The following ADGRE5 variants were observed in gnomAD, a reference collection of about 807,000 sequenced individuals.
ADGRE5 encodes CD97 molecule.
ADGRE5 carries 72 observed loss-of-function variants against 100.3 expected under a neutral mutation model. That is an observed-to-expected ratio of 0.72 (90% CI 0.59 to 0.87). The LOEUF (loss-of-function observed/expected upper bound fraction) is 0.87, where lower values mean the gene tolerates loss of function less well. Ranked by LOEUF, ADGRE5 falls within the 40% of genes least tolerant of loss-of-function variation. The probability of loss-of-function intolerance (pLI) is 0.00; values close to 1 mark genes in which losing one functional copy is unlikely to be tolerated. For missense variants in ADGRE5, 959 were observed against 1,094.7 expected, an observed-to-expected ratio of 0.88 and a Z score of 1.75; for synonymous variants, 439 against 447.8, an observed-to-expected ratio of 0.98 and a Z score of 0.25.
chr19:14,385,644 C>A (rs1183254271), intron 1 of ADGRE5, among the ~76,000 whole-genome samples: 1 of 152,114 alleles, frequency 6.6e-6, no homozygotes, highest in Non-Finnish European at 1.5e-5. Flanking sequence ...TGAAATATCA[C>A]CACTGGGTTC....
Position 14,407,133 on chromosome 19 carries a change from C to T in ADGRE5, c.2280C>T (p.Phe760=), listed in dbSNP as rs373515389. 22 of 1,614,146 alleles carry T rather than the reference C, an allele frequency of 1.4e-5. No homozygotes were observed. The highest frequency in any genetic ancestry group is 3.3e-5 in the Admixed American group (2 of 60,020). ...GCTWVFGLFI[F]DDRSLVLTYV... ...CCTGGGTCTTTGGCCTGTTCATCTT[C>T]GACGATCGGAGCTTGGTGCTGACCT... is the stretch of plus-strand genomic sequence containing the variant. Residue 760 remains phenylalanine (F), a synonymous_variant, in exon 18 of 20, where the codon TTC becomes TTT. Coordinates refer to ENST00000242786, the MANE Select transcript of ADGRE5 (RefSeq NM_078481.4).
In ADGRE5 at chr19:14,406,419, TCTA is replaced by T; in HGVS notation, c.1913_1915del (p.Tyr638del). 1 of 1,591,232 alleles carries T rather than the reference TCTA, an allele frequency of 6.3e-7. No individual in the cohort carries two copies. Among genetic ancestry groups the T allele is most frequent in the Non-Finnish European group, 8.6e-7 (1 of 1,169,336 alleles). On this transcript the variant is annotated inframe_deletion, in exon 15 of 20. Transcript: ENST00000242786. The surrounding 1 kb of genome is among the most constrained non-coding windows in gnomAD (Gnocchi z 6.0). ...TGGATGAGCCTCGAAGGCCTGGAGC[TCTA>T]CTTTCTTGTGGTGCGCGTGTTCCAA...
chr19:14,407,481 C>T (rs1483048575), intron 18 of ADGRE5, among the ~76,000 whole-genome samples: 2 of 152,076 alleles, frequency 1.3e-5, no homozygotes, highest in East Asian at 3.9e-4. Context: ...GAAACCCTGT[C>T]TCTACTAAAA....
At chr19:14,392,728 C>T (rs1975643848) in intron 4 of ADGRE5, among the ~76,000 whole-genome samples, 2 of 151,766 alleles carry the variant, frequency 1.3e-5, no homozygotes, top group African/African-American at 4.8e-5. Flanking sequence ...CATGGCGAAA[C>T]CCTGTGTCTA....
intron 18 of ADGRE5, among the ~76,000 whole-genome samples, chr19:14,407,643 A>C (rs1439299321): frequency 6.6e-6 from 1 of 151,822 alleles, no homozygotes; most frequent in Non-Finnish European, 1.5e-5. Flanking sequence ...GTCTCCAAAA[A>C]AAAAAAAAAA....
At chr19:14,391,582 A>T (rs1357413063) in intron 4 of ADGRE5, 1 of 155,576 alleles carries the variant, frequency 6.4e-6, no homozygotes, top group Admixed American at 6.3e-5. Context: ...AAAAAAAAAA[A>T]ATTAATTAGC....
At chr19:14,402,430 G>A (rs1262670154) in intron 11 of ADGRE5, among the ~76,000 whole-genome samples, 167 bp from the exon 12 acceptor site, 6 of 150,042 alleles carry the variant, frequency 4.0e-5, no homozygotes, top group Admixed American at 1.3e-4. Flanking sequence ...GCGAAACTCC[G>A]TCTCAAAAAA....
At position 14,381,533 on chromosome 19, in the gene ADGRE5, C is replaced by G. The variant is rs746554560; in HGVS notation, c.10C>G (p.Arg4Gly). Residue 4 changes from arginine (R) to glycine (G), a missense_variant, in exon 1 of 20, where the codon CGC (arginine) becomes GGC (glycine). Arg to Gly is a moderately radical substitution (Grantham distance 125). Coordinates refer to ENST00000242786, the MANE Select transcript of ADGRE5 (RefSeq NM_078481.4). MGG[R>G]VFLAFCVWLT... ...GCCGGCAGCTCCAACCATGGGAGGCCGCGTCTTTCTCGGTAAGTACTTTGG... is the reference window on the plus strand; with the variant it reads ...GCCGGCAGCTCCAACCATGGGAGGCGGCGTCTTTCTCGGTAAGTACTTTGG... 6.2e-7 allele frequency: 1 copy of G among 1,609,686 alleles called. No individual in the cohort carries two copies. The highest frequency in any genetic ancestry group is 1.3e-5 in the African/African-American group (1 of 74,392).
intron 1 of ADGRE5, among the ~76,000 whole-genome samples, chr19:14,382,539 G>A (rs529621293): frequency 1.3e-5 from 2 of 152,196 alleles, no homozygotes; most frequent in East Asian, 3.9e-4. Flanking sequence ...AACTATTCCT[G>A]GTTCACAGTA....
chr19:14,403,414 G>A (rs535409243), intron 12 of ADGRE5, among the ~76,000 whole-genome samples: 19 of 150,950 alleles, frequency 1.3e-4, no homozygotes, highest in African/African-American at 3.4e-4. Flanking sequence ...GTGCAGTGGC[G>A]CGATTATAGC....
Position 14,397,452 on chromosome 19 carries a change from G to A in ADGRE5, c.626-206G>A, listed in dbSNP as rs557240144. 4,231 of 617,352 alleles carry A rather than the reference G, an allele frequency of 6.9e-3. 25 individuals are homozygous for A. Among genetic ancestry groups the A allele is most frequent in the Non-Finnish European group, 0.01 (3,469 of 346,816 alleles). The allele number at this position is 617,352 out of a possible 1,614,324, so 38.2% of individuals were successfully genotyped here. On this transcript the variant is annotated intron_variant, in intron 6 of 19. Transcript: ENST00000242786. The stretch of plus-strand genomic sequence containing the variant: ...CCAGGCAACAGCTGATGACTCACTG[G>A]GAGGAAGGCGTTTCACCATATTCAT...
At chr19:14,392,535 G>A (rs116706231) in intron 4 of ADGRE5, among the ~76,000 whole-genome samples, 3 of 152,116 alleles carry the variant, frequency 2.0e-5, no homozygotes, top group Non-Finnish European at 4.4e-5. Flanking sequence ...CCTTGGACAG[G>A]TTACTTTCAC....
chr19:14,386,173 A>C (rs1975341241), intron 1 of ADGRE5, among the ~76,000 whole-genome samples: 1 of 151,588 alleles, frequency 6.6e-6, no homozygotes, highest in Non-Finnish European at 1.5e-5. Flanking sequence ...AGGTCAGGAG[A>C]TCGAAACCAT....
intron 4 of ADGRE5, 146 bp from the exon 5 acceptor site, chr19:14,396,184 GCCACCACCCTCA>G: frequency 7.3e-7 from 1 of 1,371,914 alleles, no homozygotes; most frequent in Non-Finnish European, 1.0e-6. Context: ...GAAGGACTGA[GCCACCACCCTCA>G]CCATAGGATG....
Position 14,406,380 on chromosome 19 carries a change from T to G in ADGRE5, c.1871T>G (p.Leu624Arg). ...LVAGLLHYCF[L>R]AAFCWMSLEG... ...GCCGGGCTGCTGCACTACTGTTTCC[T>G]GGCCGCCTTCTGCTGGATGAGCCTC... The change falls in exon 15 of 20, where the codon CTG becomes CGG. Residue 624 changes from leucine (L) to arginine (R), a missense_variant. Leu to Arg is a moderately radical substitution (Grantham distance 102). This residue lies in a region of ADGRE5 where 428 missense variants were observed against 386.2 expected (regional missense o/e 1.11). Coordinates refer to ENST00000242786, the MANE Select transcript of ADGRE5 (RefSeq NM_078481.4). This position sits in a 1 kb window ranked among gnomAD's most constrained non-coding sequence, Gnocchi z 6.0. 1 of 1,589,368 alleles carries G rather than the reference T, an allele frequency of 6.3e-7. No individual in the cohort carries two copies. The highest frequency in any genetic ancestry group is 8.6e-7 in the Non-Finnish European group (1 of 1,168,978).
rs867198525 is a variant in ADGRE5 at position 14,406,199 on chromosome 19, C to G, written c.1822-132C>G. 2 of 784,150 alleles carry G rather than the reference C, an allele frequency of 2.6e-6. No individual in the cohort carries two copies. The highest frequency in any genetic ancestry group is 3.5e-5 in the African/African-American group (2 of 56,816). The allele number at this position is 784,150 out of a possible 1,614,324, so 48.6% of individuals were successfully genotyped here. A position where few individuals can be genotyped will look rare whatever the true frequency, so the allele number is the denominator to read the frequency against. On this transcript the variant is annotated intron_variant, in intron 14 of 19. Transcript: ENST00000242786. The surrounding 1 kb of genome is among the most constrained non-coding windows in gnomAD (Gnocchi z 6.0). Reference sequence around the variant, plus strand: ...GGGTGGGCCCTGGGGGGAAACCTGGCCCCCGCTCCAGACCCGCCCACCCTC... The same window carrying G: ...GGGTGGGCCCTGGGGGGAAACCTGGGCCCCGCTCCAGACCCGCCCACCCTC...
At position 14,401,858 on chromosome 19, in the gene ADGRE5, C is replaced by T. The variant is rs963540359; in HGVS notation, c.1183+98C>T. On this transcript the variant is annotated intron_variant, in intron 11 of 19. Coordinates refer to ENST00000242786, the MANE Select transcript of ADGRE5 (RefSeq NM_078481.4). This position sits in a 1 kb window ranked among gnomAD's most constrained non-coding sequence, Gnocchi z 4.1. ...TCAGAATAGAACAACTGACTGGGCGCGGTGGCTCACGCCTGCAATCCCAGC... is the reference window on the plus strand; with the variant it reads ...TCAGAATAGAACAACTGACTGGGCGTGGTGGCTCACGCCTGCAATCCCAGC... 12 of 758,454 alleles carry T rather than the reference C, an allele frequency of 1.6e-5. No individual in the cohort carries two copies. Among genetic ancestry groups the T allele is most frequent in the Middle Eastern group, 3.8e-4 (1 of 2,634 alleles). 47.0% of individuals were successfully genotyped at this position (758,454 alleles called of 1,614,324 possible). A position where few individuals can be genotyped will look rare whatever the true frequency, so the allele number is the denominator to read the frequency against.
At chr19:14,391,217 A>C in intron 4 of ADGRE5, 138 bp downstream of exon 4, 1 of 1,046,674 alleles carries the variant, frequency 9.6e-7, no homozygotes, top group Non-Finnish European at 1.4e-6. Context: ...GTGCACATGT[A>C]CCTACCCCAC....
chr19:14,406,880 C>T lies in ADGRE5; in HGVS notation c.2127C>T (p.Val709=), dbSNP rs1286111104. The change falls in exon 17 of 20, where the codon GTC becomes GTT. Residue 709 remains valine, a synonymous_variant. Coordinates refer to ENST00000242786, the MANE Select transcript of ADGRE5 (RefSeq NM_078481.4). This position sits in a 1 kb window ranked among gnomAD's most constrained non-coding sequence, Gnocchi z 6.0. ...TGCTCCCTGCCCAGTGCAATGCTGT[C>T]ATTTTCGTGACTACCGTCTGGAAGC... The part of the protein sequence containing the change: ...PVTFIILCNA[V]IFVTTVWKLT... 2 of 1,614,000 alleles carry T rather than the reference C, an allele frequency of 1.2e-6. No individual in the cohort carries two copies. Among genetic ancestry groups the T allele is most frequent in the Non-Finnish European group, 1.7e-6 (2 of 1,179,952 alleles).
Sources: gnomAD v4.1 joint callset for allele counts (sites outside exome capture counted in the v4.1 genomes callset) on GRCh38, gnomAD v4.1.1 for gene constraint, gnomAD v4.1.1 regional missense constraint, Gnocchi (gnomAD v3.1) non-coding constraint, MANE v1.5 for transcripts, NCBI Gene and HGNC (gene_info 2026-07-23, HGNC 2026-07-21) for gene names.